Variants in RALYL observed in about 807,000 individuals in gnomAD.
The protein encoded by RALYL is RNA-binding Raly-like protein.
RALYL carries 29 observed loss-of-function variants against 35.1 expected under a neutral mutation model. That is an observed-to-expected ratio of 0.83 (90% CI 0.61 to 1.13). The LOEUF (loss-of-function observed/expected upper bound fraction) is 1.13. Among genes scored for constraint, RALYL ranks in the 50% most tolerant of loss-of-function variants. The probability of loss-of-function intolerance (pLI) is 0.00; values close to 1 mark genes in which losing one functional copy is unlikely to be tolerated. For synonymous variants in RALYL, 120 were observed against 127.6 expected (o/e 0.94, Z 0.40); for missense variants, 359 against 360.4 (o/e 1.00, Z 0.03).
chr8:84,593,340 C>A (rs1449286496), intron 2 of RALYL, among the ~76,000 whole-genome samples: 2 of 152,020 alleles, frequency 1.3e-5, no homozygotes, highest in Non-Finnish European at 2.9e-5. Context: ...AGCTTCTGTT[C>A]TGTCAACTGA....
At position 84,199,110 on chromosome 8, in the gene RALYL, C is replaced by G. The variant is rs183099853; in HGVS notation, c.-24+14686C>G. On this transcript the variant is annotated intron_variant, in intron 1 of 8. Transcript: ENST00000521268. Reference sequence around the variant, plus strand: ...TGGTTGTACTAATTTACATTCCCACCAACAGTATACAAGGGTTCCCTTTTC... The same window carrying G: ...TGGTTGTACTAATTTACATTCCCACGAACAGTATACAAGGGTTCCCTTTTC... Among the ~76,000 whole-genome samples, 12 of 152,238 alleles carry G rather than the reference C, an allele frequency of 7.9e-5. No homozygotes were observed. The East Asian group carries it at 2.1e-3, about 27-fold the overall frequency.
At position 84,321,148 on chromosome 8, in the gene RALYL, A is replaced by G. The variant is rs191815053; in HGVS notation, c.-24+136724A>G. 3.4e-3 allele frequency among the ~76,000 whole-genome samples: 520 copies of G among 152,268 alleles called. 3 individuals are homozygous for G. The highest frequency in any genetic ancestry group is 0.012 in the African/African-American group (505 of 41,560). On this transcript the variant is annotated intron_variant, in intron 1 of 8. Transcript: ENST00000521268. ...ATAGAAGAAAAGCAGTTTAAAAGAC[A>G]GGAATGGTAAATTAGATATGTGTAT...
chr8:84,826,730 TCATTCACACACC>T (rs1022906565), intron 4 of RALYL, among the ~76,000 whole-genome samples: 2 of 151,584 alleles, frequency 1.3e-5, no homozygotes, highest in Non-Finnish European at 2.9e-5. Context: ...ATCTACACAC[TCATTCACACACC>T]CACCCACACA....
At position 84,566,761 on chromosome 8, in the gene RALYL, C is replaced by T. The variant is rs540288404; in HGVS notation, c.256+37184C>T. 2.6e-5 allele frequency among the ~76,000 whole-genome samples: 4 copies of T among 151,628 alleles called. No individual in the cohort carries two copies. The East Asian group carries it at 7.8e-4, about 29-fold the overall frequency. Reference sequence around the variant, plus strand: ...ATTTTTAAGAAACTGAAATAAGAGCCAAACAATGGACCTCTAGTTTTTCTA... The same window carrying T: ...ATTTTTAAGAAACTGAAATAAGAGCTAAACAATGGACCTCTAGTTTTTCTA... On this transcript the variant is annotated intron_variant, in intron 2 of 8. Coordinates refer to ENST00000521268, the MANE Select transcript of RALYL (RefSeq NM_173848.7).
At chr8:84,464,142 G>GTTTTTTTTTTT (rs71271994) in intron 1 of RALYL, among the ~76,000 whole-genome samples, 2 of 142,924 alleles carry the variant, frequency 1.4e-5, no homozygotes, top group Non-Finnish European at 1.5e-5. Flanking sequence ...TTTTTTTTTT[G>GTTTTTTTTTTT]TTTTTTTTTT....
chr8:84,622,964 T>C (rs1420649206), intron 2 of RALYL, among the ~76,000 whole-genome samples: 2 of 152,208 alleles, frequency 1.3e-5, no homozygotes, highest in Non-Finnish European at 2.9e-5. Context: ...GATAGTCATG[T>C]AACATTTTCA....
intron 1 of RALYL, among the ~76,000 whole-genome samples, chr8:84,430,041 T>G (rs553261010): frequency 1.3e-5 from 2 of 152,202 alleles, no homozygotes; most frequent in Admixed American, 6.5e-5. Context: ...CCATTTTTCT[T>G]GGAGATAATA....
chr8:84,702,157 G>T (rs1026091037), intron 2 of RALYL, among the ~76,000 whole-genome samples: 1 of 152,084 alleles, frequency 6.6e-6, no homozygotes, highest in African/African-American at 2.4e-5. Flanking sequence ...AGCACCTAAT[G>T]AACATTCTCT....
intron 1 of RALYL, among the ~76,000 whole-genome samples, chr8:84,411,487 T>C (rs73304350): frequency 0.03 from 4,484 of 151,924 alleles, 219 homozygotes; most frequent in African/African-American, 0.1. Flanking sequence ...AACATTGAAT[T>C]CTTTTTACTT....
rs548760023 is a variant in RALYL, at chr8:84,310,315, A to G, written c.-24+125891A>G. Among the ~76,000 whole-genome samples, 12 of 152,180 alleles carry G rather than the reference A, an allele frequency of 7.9e-5. No homozygotes were observed. The South Asian group carries it at 1.0e-3, about 13-fold the overall frequency. On this transcript the variant is annotated intron_variant, in intron 1 of 8. Transcript: ENST00000521268. ...CAGCCTTCCAAAGTGCTGGGATTACAGGCATGAGCCACCATGCCTGGCATA... is the reference window on the plus strand; with the variant it reads ...CAGCCTTCCAAAGTGCTGGGATTACGGGCATGAGCCACCATGCCTGGCATA...
At chr8:84,255,336 G>C (rs1350306436) in intron 1 of RALYL, among the ~76,000 whole-genome samples, 1 of 152,038 alleles carries the variant, frequency 6.6e-6, no homozygotes, top group East Asian at 1.9e-4. Context: ...AAAAAATATA[G>C]ATTATTTTTG....
intron 4 of RALYL, among the ~76,000 whole-genome samples, chr8:84,841,917 C>G (rs1833469329): frequency 6.6e-6 from 1 of 152,126 alleles, no homozygotes; most frequent in Admixed American, 6.5e-5. Context: ...TCTTTGAAAC[C>G]AATGAGAACA....
intron 4 of RALYL, among the ~76,000 whole-genome samples, chr8:84,820,084 C>A (rs1442020392): frequency 4.6e-5 from 7 of 152,082 alleles, no homozygotes; most frequent in Non-Finnish European, 5.9e-5. Flanking sequence ...ATCATTAAAT[C>A]CACTCAACCC....
At chr8:84,591,212 T>A (rs1479101897) in intron 2 of RALYL, among the ~76,000 whole-genome samples, 1 of 152,154 alleles carries the variant, frequency 6.6e-6, no homozygotes, top group African/African-American at 2.4e-5. Context: ...TTTACCCAAC[T>A]GGCATGTTAA....
At chr8:84,399,451 G>A (rs2042676310) in intron 1 of RALYL, among the ~76,000 whole-genome samples, 1 of 152,114 alleles carries the variant, frequency 6.6e-6, no homozygotes, top group South Asian at 2.1e-4. Flanking sequence ...CTAGTATAAT[G>A]CAATATGAAA....
intron 2 of RALYL, among the ~76,000 whole-genome samples, chr8:84,573,676 T>C (rs1808603409): frequency 6.6e-6 from 1 of 151,920 alleles, no homozygotes; most frequent in Admixed American, 6.6e-5. Flanking sequence ...TTGATATTTT[T>C]AAGCTGTTTA....
At chr8:84,804,216 T>C (rs1047416259) in intron 3 of RALYL, among the ~76,000 whole-genome samples, 10 of 152,184 alleles carry the variant, frequency 6.6e-5, no homozygotes, top group Non-Finnish European at 1.5e-4. Flanking sequence ...TTTGAGATAT[T>C]GAGGTACAGA....
In RALYL at chr8:84,512,945, C is replaced by T. The variant is rs187156950; in HGVS notation, c.-23-16354C>T. Among the ~76,000 whole-genome samples the T allele has an allele frequency of 3.3e-3, 499 of 152,124 alleles. 2 individuals carry two copies. Among genetic ancestry groups the T allele is most frequent in the Non-Finnish European group, 4.8e-3 (328 of 67,950 alleles). On this transcript the variant is annotated intron_variant, in intron 1 of 8. Transcript: ENST00000521268. ...GTTATCATAGCCTTGGAATATATTT[C>T]GAAGTCAGGTCTGTGATGTTTCCAA...
chr8:84,722,584 A>G (rs1844129965), intron 2 of RALYL, among the ~76,000 whole-genome samples: 1 of 140,776 alleles, frequency 7.1e-6, no homozygotes. Context: ...CAGAACTACA[A>G]TGTCTCAAGG....
Sources: allele counts gnomAD v4.1 joint callset (sites outside exome capture counted in the v4.1 genomes callset), GRCh38; gene constraint gnomAD v4.1.1; transcripts MANE v1.5; gene names NCBI Gene and HGNC (gene_info 2026-07-23, HGNC 2026-07-21).